TDG: variants seen among roughly 807,000 people sequenced by gnomAD.
The protein encoded by TDG is G/T mismatch-specific thymine DNA glycosylase.
TDG carries 23 observed loss-of-function variants against 46.1 expected under a neutral mutation model. That is an observed-to-expected ratio of 0.50 (90% CI 0.36 to 0.71). The LOEUF (loss-of-function observed/expected upper bound fraction) is 0.71, where lower values mean the gene tolerates loss of function less well. Among genes scored for constraint, TDG ranks in the 30% least tolerant of loss-of-function variants. The pLI is 0.00. For missense variants in TDG, 304 were observed against 486.7 expected (o/e 0.62, Z 3.53); for synonymous variants, 115 against 161.3 (o/e 0.71, Z 2.18).
In TDG at chr12:103,966,022, T is replaced by A. The variant is rs779514702; in HGVS notation, c.-16T>A. 4.1e-5 allele frequency: 65 copies of A among 1,595,960 alleles called. No individual in the cohort carries two copies. The African/African-American group carries it at 7.3e-4, about 18-fold the overall frequency. ...TGCCCGGCAGGTGGAGCCGCCCGCA[T>A]CAGCGGCCTCGGGGAATGGAAGCGG... On this transcript the variant is annotated 5_prime_UTR_variant, in exon 1 of 10. Coordinates refer to ENST00000392872, the MANE Select transcript of TDG (RefSeq NM_003211.6).
intron 1 of TDG, 149 bp downstream of exon 1, chr12:103,966,209 T>C: frequency 9.1e-7 from 1 of 1,093,308 alleles, no homozygotes; most frequent in Non-Finnish European, 1.2e-6. Flanking sequence ...CTGGTCGGCC[T>C]TTCCTTCCCT....
chr12:103,968,339 A>G (rs1014260989), intron 1 of TDG, among the ~76,000 whole-genome samples: 2 of 152,202 alleles, frequency 1.3e-5, no homozygotes, highest in African/African-American at 4.8e-5. Flanking sequence ...TACCAACAGG[A>G]AAGATTAACC....
intron 1 of TDG, among the ~76,000 whole-genome samples, chr12:103,974,571 G>A (rs1040412094): frequency 6.6e-6 from 1 of 152,128 alleles, no homozygotes; most frequent in Non-Finnish European, 1.5e-5. Flanking sequence ...ATAAGCCACC[G>A]TGCCTGGCCT....
At chr12:103,985,565 AC>A in intron 8 of TDG, 37 bp from the exon 9 acceptor site, 1 of 1,567,694 alleles carries the variant, frequency 6.4e-7, no homozygotes, top group Non-Finnish European at 8.6e-7. Flanking sequence ...AAATTGTTGT[AC>A]AAAATCAGAT....
At position 103,985,837 on chromosome 12, in the gene TDG, T is replaced by G. The variant is rs190638076; in HGVS notation, c.1090+109T>G. 3.7e-4 allele frequency: 456 copies of G among 1,246,420 alleles called. No individual in the cohort carries two copies. In the African/African-American group the frequency reaches 6.0e-3, roughly 16 times the overall value. 77.2% of individuals were successfully genotyped at this position (1,246,420 alleles called of 1,614,324 possible). A position where few individuals can be genotyped will look rare whatever the true frequency, so the allele number is the denominator to read the frequency against. On this transcript the variant is annotated intron_variant, in intron 9 of 9. Transcript: ENST00000392872. ...TTATTGAAGAATGGGAATGATAATA[T>G]GAAATTTTATTTAGTGACTAATAGT...
At chr12:103,984,189 T>G (rs574191781) in intron 7 of TDG, among the ~76,000 whole-genome samples, 42 of 152,308 alleles carry the variant, frequency 2.8e-4, no homozygotes, top group African/African-American at 9.4e-4. Context: ...AGCATTGGTT[T>G]TTGCTTAAAT....
rs1393367687 is a variant in TDG, at chr12:103,966,050, A to G, written c.13A>G (p.Asn5Asp). 2 of 1,595,262 alleles carry G rather than the reference A, an allele frequency of 1.3e-6. No individual in the cohort carries two copies. Among genetic ancestry groups the G allele is most frequent in the Non-Finnish European group, 1.7e-6 (2 of 1,171,644 alleles). Reference sequence around the variant, plus strand: ...GCGGCCTCGGGGAATGGAAGCGGAGAACGCGGGCAGGTAATACCGGGGCCA... The same window carrying G: ...GCGGCCTCGGGGAATGGAAGCGGAGGACGCGGGCAGGTAATACCGGGGCCA... MEAE[N>D]AGSYSLQQAQ... Residue 5 changes from asparagine to aspartate, a missense_variant, in exon 1 of 10, where the codon AAC becomes GAC. By Grantham distance (23) the Asn-to-Asp change is conservative. Coordinates refer to ENST00000392872, the MANE Select transcript of TDG (RefSeq NM_003211.6).
At chr12:103,975,823 G>C (rs1448905212) in intron 1 of TDG, among the ~76,000 whole-genome samples, 1 of 151,968 alleles carries the variant, frequency 6.6e-6, no homozygotes, top group Admixed American at 6.6e-5. Context: ...CACTGTGCCC[G>C]GCTAATTTTT....
At chr12:103,984,096 C>T (rs1871994015) in intron 7 of TDG, among the ~76,000 whole-genome samples, 1 of 152,122 alleles carries the variant, frequency 6.6e-6, no homozygotes, top group Non-Finnish European at 1.5e-5. Context: ...ATGTTTCTGC[C>T]ACCTAAATAT....
chr12:103,978,423 A>T (rs945996513), intron 2 of TDG, among the ~76,000 whole-genome samples: 3 of 152,186 alleles, frequency 2.0e-5, no homozygotes, highest in African/African-American at 7.2e-5. Flanking sequence ...TCTCCAGTGT[A>T]ACAGTATTTT....
intron 8 of TDG, among the ~76,000 whole-genome samples, chr12:103,985,166 T>TATATACACAC (rs1555275233): frequency 7.2e-6 from 1 of 138,506 alleles, no homozygotes; most frequent in East Asian, 2.2e-4. Context: ...TATAGACACA[T>TATATACACAC]ACACACACAC....
intron 4 of TDG, 149 bp from the exon 5 acceptor site, chr12:103,982,650 A>G: frequency 1.5e-6 from 1 of 651,486 alleles, no homozygotes; most frequent in Non-Finnish European, 2.6e-6. Flanking sequence ...CTGGGGTTCC[A>G]GCCACTCAGG....
In TDG at chr12:103,987,519, T is replaced by C. The variant is rs1318497151; in HGVS notation, c.*429T>C. On this transcript the variant is annotated 3_prime_UTR_variant, in exon 10 of 10. Coordinates refer to ENST00000392872, the MANE Select transcript of TDG (RefSeq NM_003211.6). ...TCAAAGAGGCAAAGGTGTTGATTTT[T>C]GTATATGAAGTTAAGCCTCAGTGGA... is the stretch of plus-strand genomic sequence containing the variant. 2 of 157,384 alleles carry C rather than the reference T, an allele frequency of 1.3e-5. No individual in the cohort carries two copies. Among genetic ancestry groups the C allele is most frequent in the Admixed American group, 1.2e-4 (2 of 16,388 alleles). The allele number at this position is 157,384 out of a possible 1,614,324, so 9.7% of individuals were successfully genotyped here.
chr12:103,980,339 G>T (rs927828173), intron 3 of TDG: 23 of 411,268 alleles, frequency 5.6e-5, no homozygotes, highest in Non-Finnish European at 9.0e-5. Context: ...TTTTCTCATT[G>T]ATAAACCAGG....
intron 5 of TDG, 37 bp from the exon 6 acceptor site, chr12:103,983,097 CAT>C (rs779221422): frequency 6.5e-7 from 1 of 1,536,000 alleles, no homozygotes; most frequent in Non-Finnish European, 8.8e-7. Flanking sequence ...TAAATATTGT[CAT>C]ATTTATATTT....
Position 103,981,526 on chromosome 12 carries a change from C to T in TDG, c.478+564C>T, listed in dbSNP as rs534997853. Among the ~76,000 whole-genome samples, 8 of 151,984 alleles carry T rather than the reference C, an allele frequency of 5.3e-5. No individual in the cohort carries two copies. The South Asian group carries it at 1.2e-3, about 24-fold the overall frequency. On this transcript the variant is annotated intron_variant, in intron 4 of 9. Coordinates refer to ENST00000392872, the MANE Select transcript of TDG (RefSeq NM_003211.6). ...CTGGGATTACAGGCGTGAGCTACAA[C>T]GCCCAGCCAAGTTGTATTACTTTTT...
rs144717913 is a variant in TDG at position 103,976,408 on chromosome 12, C to CCACACACACACACA, written c.24-495_24-482dup. Among the ~76,000 whole-genome samples, 1,326 of 147,498 alleles carry CCACACACACACACA rather than the reference C, an allele frequency of 9.0e-3. 41 individuals are homozygous for CCACACACACACACA. In the East Asian group the frequency reaches 0.13, roughly 14 times the overall value. Reference sequence around the variant, plus strand: ...GGTGACAGAGGGAGACCCTGTCTCCCCACACACACACACACACACACACAC... The same window carrying CCACACACACACACA: ...GGTGACAGAGGGAGACCCTGTCTCCCCACACACACACACACACACACACACACACACACACACAC... On this transcript the variant is annotated intron_variant, in intron 1 of 9. Transcript: ENST00000392872.
intron 1 of TDG, among the ~76,000 whole-genome samples, chr12:103,974,472 G>A (rs1363828856): frequency 5.3e-5 from 8 of 151,928 alleles, no homozygotes; most frequent in African/African-American, 1.9e-4. Context: ...TGGAGGTGGC[G>A]ATCTTGCTAT....
chr12:103,976,383 G>A (rs1335606400), intron 1 of TDG, among the ~76,000 whole-genome samples: 1 of 149,918 alleles, frequency 6.7e-6, no homozygotes, highest in Non-Finnish European at 1.5e-5. Context: ...CTCCAACCTG[G>A]GTGACAGAGG....
Sources: gnomAD v4.1 joint callset for allele counts (sites outside exome capture counted in the v4.1 genomes callset) on GRCh38, gnomAD v4.1.1 for gene constraint, MANE v1.5 for transcripts, NCBI Gene and HGNC (gene_info 2026-07-23, HGNC 2026-07-21) for gene names.